Variants in RASA2 observed in about 807,000 individuals in gnomAD.
The protein encoded by RASA2 is ras GTPase-activating protein 2.
In RASA2, 155 loss-of-function variants were observed where a neutral mutation model predicts 118.2. The observed-to-expected ratio is 1.31, with a 90% CI of 1.15 to 1.50. RASA2 has a LOEUF of 1.50. Ranked by LOEUF, RASA2 falls within the 40% of genes most tolerant of loss-of-function variation. RASA2 has a pLI of 0.00. For missense variants in RASA2, 1,016 were observed against 1,009.6 expected, an observed-to-expected ratio of 1.01 and a Z score of -0.09; for synonymous variants, 353 against 349.1, an observed-to-expected ratio of 1.01 and a Z score of -0.12.
In RASA2 at chr3:141,529,822, TAATAC is replaced by T. The variant is rs1390275416; in HGVS notation, c.450+23_450+27del. ...GTTCAGGTAAATATTAAGGCTTATG[TAATAC>T]AAGAGATTGTCACAGGAAATGAGTA... On this transcript the variant is annotated intron_variant, in intron 4 of 23. Coordinates refer to ENST00000286364, the MANE Select transcript of RASA2 (RefSeq NM_006506.5). 1 of 1,530,218 alleles carries T rather than the reference TAATAC, an allele frequency of 6.5e-7. No individual in the cohort carries two copies. The highest frequency in any genetic ancestry group is 1.4e-5 in the African/African-American group (1 of 72,630). The allele number at this position is 1,530,218 out of a possible 1,614,324, so 94.8% of individuals were successfully genotyped here.
intron 14 of RASA2, among the ~76,000 whole-genome samples, chr3:141,574,410 C>T (rs989916907): frequency 2.0e-5 from 3 of 152,004 alleles, no homozygotes; most frequent in Non-Finnish European, 2.9e-5. Context: ...AGGATAGTCT[C>T]GATCTCCTGA....
chr3:141,588,477 A>G (rs982270107), intron 19 of RASA2, among the ~76,000 whole-genome samples: 4 of 152,204 alleles, frequency 2.6e-5, no homozygotes, highest in Non-Finnish European at 1.5e-5. Context: ...TACAGAGGAA[A>G]TGGAGAGTCT....
intron 5 of RASA2, among the ~76,000 whole-genome samples, chr3:141,541,718 A>G (rs2082407292): frequency 6.6e-6 from 1 of 151,314 alleles, no homozygotes; most frequent in South Asian, 2.1e-4. Flanking sequence ...ATTATGTTTT[A>G]TGTTTAGTTG....
intron 19 of RASA2, among the ~76,000 whole-genome samples, chr3:141,587,171 A>G (rs2035935): frequency 0.14 from 21,964 of 152,166 alleles, 2,346 homozygotes; most frequent in African/African-American, 0.27. Context: ...CAGTTATACC[A>G]TAGATTGTGA....
At chr3:141,502,784 T>C (rs550754797) in intron 1 of RASA2, among the ~76,000 whole-genome samples, 1 of 152,322 alleles carries the variant, frequency 6.6e-6, no homozygotes, top group South Asian at 2.1e-4. Context: ...TGGATCATCT[T>C]GTCCAGGACC....
In RASA2 at chr3:141,540,604, T is replaced by C; in HGVS notation, c.522T>C (p.Val174=). The part of the protein sequence containing the change: ...TENGTVCQQL[V]VHIKACHGLP... ...ATGGAACTGTATGCCAGCAGCTTGT[T>C]GTACAGTAAGCATTTTTTTTAACCA... The change falls in exon 5 of 24, where the codon GTT becomes GTC. Residue 174 remains valine, a synonymous_variant. Coordinates refer to ENST00000286364, the MANE Select transcript of RASA2 (RefSeq NM_006506.5). 1 of 1,609,786 alleles carries C rather than the reference T, an allele frequency of 6.2e-7. No homozygotes were observed. The highest frequency in any genetic ancestry group is 1.1e-5 in the South Asian group (1 of 90,592).
At chr3:141,542,829 A>G (rs189638291) in intron 5 of RASA2, among the ~76,000 whole-genome samples, 1 of 152,070 alleles carries the variant, frequency 6.6e-6, no homozygotes, top group South Asian at 2.1e-4. Context: ...CTGTCTTTAT[A>G]TCTATAATTT....
chr3:141,519,844 C>T (rs2082084304), intron 3 of RASA2, among the ~76,000 whole-genome samples: 1 of 151,872 alleles, frequency 6.6e-6, no homozygotes, highest in Non-Finnish European at 1.5e-5. Flanking sequence ...AGGCAGACTT[C>T]TAGTCTAATA....
rs565781526 is a variant in RASA2 at position 141,507,369 on chromosome 3, T to C, written c.134-4794T>C. Among the ~76,000 whole-genome samples, 4 of 152,346 alleles carry C rather than the reference T, an allele frequency of 2.6e-5. No individual in the cohort carries two copies. In the South Asian group the frequency reaches 8.3e-4, roughly 32 times the overall value. ...AGAGCTTTAATAAAAAAATTTTAAG[T>C]GGCTTACAAAATTGTTGACAAGGCT... is the stretch of plus-strand genomic sequence containing the variant. On this transcript the variant is annotated intron_variant, in intron 1 of 23. Coordinates refer to ENST00000286364, the MANE Select transcript of RASA2 (RefSeq NM_006506.5).
intron 1 of RASA2, among the ~76,000 whole-genome samples, chr3:141,490,346 A>C (rs1176773317): frequency 2.0e-5 from 3 of 151,862 alleles, no homozygotes; most frequent in South Asian, 2.1e-4. Context: ...AAAAAAAAAA[A>C]AAAAAAAAAA....
At chr3:141,544,856 G>A (rs2082460627) in intron 5 of RASA2, among the ~76,000 whole-genome samples, 1 of 152,170 alleles carries the variant, frequency 6.6e-6, no homozygotes, top group Non-Finnish European at 1.5e-5. Flanking sequence ...GGAGCTGAAG[G>A]CCATTATCCT....
In RASA2 at chr3:141,555,863, T is replaced by G. The variant is rs1042364275; in HGVS notation, c.635T>G (p.Val212Gly). ...AGGAATGACCAAAAGAAGACAAAAG[T>G]AAAGAAGAAAACAAGCAATCCGCAG... ...PSRNDQKKTK[V>G]KKKTSNPQFN... The change falls in exon 7 of 24, where the codon GTA (valine) becomes GGA (glycine). Residue 212 changes from valine to glycine, a missense_variant. Val to Gly is a moderately radical substitution (Grantham distance 109). This residue lies in a region of RASA2 where 896 missense variants were observed against 836.4 expected (regional missense o/e 1.07). Transcript: ENST00000286364. 3 of 1,612,598 alleles carry G rather than the reference T, an allele frequency of 1.9e-6. No individual in the cohort carries two copies. The highest frequency in any genetic ancestry group is 2.5e-6 in the Non-Finnish European group (3 of 1,179,392).
intron 17 of RASA2, among the ~76,000 whole-genome samples, chr3:141,582,804 G>C (rs946095454): frequency 6.6e-6 from 1 of 152,148 alleles, no homozygotes; most frequent in Non-Finnish European, 1.5e-5. Context: ...TTTTATATTG[G>C]CACTCTGCCT....
At chr3:141,547,884 A>C (rs927207904) in intron 5 of RASA2, among the ~76,000 whole-genome samples, 2 of 152,032 alleles carry the variant, frequency 1.3e-5, no homozygotes, top group African/African-American at 4.8e-5. Context: ...TGAGGGTTTT[A>C]TTATTATGAA....
chr3:141,555,460 G>A (rs1185503477), intron 6 of RASA2, among the ~76,000 whole-genome samples: 1 of 152,072 alleles, frequency 6.6e-6, no homozygotes, highest in East Asian at 1.9e-4. Flanking sequence ...AGTAAGCTGA[G>A]TTAAGAATGT....
At chr3:141,597,544 A>AT (rs1214032420) in intron 19 of RASA2, among the ~76,000 whole-genome samples, 1 of 152,204 alleles carries the variant, frequency 6.6e-6, no homozygotes, top group Non-Finnish European at 1.5e-5. Context: ...GGTCATGGTT[A>AT]TACCACTCAG....
chr3:141,574,490 T>G (rs2151132627), intron 14 of RASA2, among the ~76,000 whole-genome samples: 1 of 152,298 alleles, frequency 6.6e-6, no homozygotes, highest in African/African-American at 2.4e-5. Flanking sequence ...ACGCCCAGCC[T>G]AAGGTTTTTA....
At chr3:141,489,676 T>C (rs1414093166) in intron 1 of RASA2, among the ~76,000 whole-genome samples, 2 of 152,216 alleles carry the variant, frequency 1.3e-5, no homozygotes, top group African/African-American at 4.8e-5. Flanking sequence ...CATAGGACTT[T>C]TAAACTGCAC....
intron 1 of RASA2, among the ~76,000 whole-genome samples, chr3:141,504,508 C>T (rs773890699): frequency 1.3e-5 from 2 of 152,068 alleles, no homozygotes; most frequent in Non-Finnish European, 2.9e-5. Context: ...TTTCTCACAC[C>T]CTGCAGTAAA....
Sources: allele counts gnomAD v4.1 joint callset (sites outside exome capture counted in the v4.1 genomes callset), GRCh38; gene constraint gnomAD v4.1.1; regional missense constraint gnomAD v4.1.1; transcripts MANE v1.5; gene names NCBI Gene and HGNC (gene_info 2026-07-23, HGNC 2026-07-21).